ANK3: variants seen among roughly 807,000 people sequenced by gnomAD.
ANK3 encodes ankyrin 3, also known as ankyrin-3.
In ANK3, 57 loss-of-function variants were observed where a neutral mutation model predicts 370.9. The observed-to-expected ratio is 0.15, with a 90% CI of 0.12 to 0.19. The LOEUF is 0.19. Among genes scored for constraint, ANK3 ranks in the 10% least tolerant of loss-of-function variants. The probability of loss-of-function intolerance (pLI) is 1.00; values close to 1 mark genes in which losing one functional copy is unlikely to be tolerated. For synonymous variants in ANK3, 1,929 were observed against 1,946.3 expected (o/e 0.99, Z 0.23); for missense variants, 4,439 against 5,302.1 (o/e 0.84, Z 5.06).
intron 1 of ANK3, among the ~76,000 whole-genome samples, chr10:60,625,899 C>T (rs1209315892): frequency 3.9e-5 from 6 of 152,102 alleles, no homozygotes; most frequent in Admixed American, 6.6e-5. Flanking sequence ...GACATTAGTA[C>T]ATATTTTTAA....
At chr10:60,035,846 G>T (rs745827766) in intron 43 of ANK3, among the ~76,000 whole-genome samples, 18 of 150,360 alleles carry the variant, frequency 1.2e-4, no homozygotes, top group Non-Finnish European at 2.4e-4. Context: ...AAAATTAGCT[G>T]GGCTAATTTT....
chr10:60,503,418 T>A (rs924799168), intron 2 of ANK3, among the ~76,000 whole-genome samples: 5 of 152,202 alleles, frequency 3.3e-5, no homozygotes, highest in Non-Finnish European at 7.3e-5. Flanking sequence ...TAAATCCTCA[T>A]AATAGCCCCA....
intron 2 of ANK3, among the ~76,000 whole-genome samples, chr10:60,448,768 TG>T (rs2064519181): frequency 6.6e-6 from 1 of 152,256 alleles, no homozygotes; most frequent in Admixed American, 6.5e-5. Flanking sequence ...AGAGAGGAAT[TG>T]ATTACTAATT....
chr10:60,165,137 G>C (rs1228371948), intron 23 of ANK3, among the ~76,000 whole-genome samples: 11 of 152,150 alleles, frequency 7.2e-5, no homozygotes, highest in Non-Finnish European at 4.4e-5. Context: ...TTAATGAACA[G>C]TAAATTTTTA....
intron 27 of ANK3, among the ~76,000 whole-genome samples, chr10:60,107,119 T>C (rs1341532583): frequency 6.6e-6 from 1 of 152,176 alleles, no homozygotes; most frequent in African/African-American, 2.4e-5. Flanking sequence ...CAAACGGGGA[T>C]GATAAATATG....
At chr10:60,357,058 T>C (rs2057869431) in intron 1 of ANK3, among the ~76,000 whole-genome samples, 1 of 152,296 alleles carries the variant, frequency 6.6e-6, no homozygotes, top group South Asian at 2.1e-4. Context: ...CCTATCCTCA[T>C]CACTGCCCTT....
intron 2 of ANK3, among the ~76,000 whole-genome samples, chr10:60,592,943 C>T (rs1487958453): frequency 1.3e-5 from 2 of 152,046 alleles, no homozygotes; most frequent in Non-Finnish European, 2.9e-5. Context: ...GAAAACACAC[C>T]CTAACCTTCT....
At chr10:60,127,272 T>C (rs1186445933) in intron 25 of ANK3, among the ~76,000 whole-genome samples, 2 of 152,132 alleles carry the variant, frequency 1.3e-5, no homozygotes, top group Non-Finnish European at 2.9e-5. Flanking sequence ...ACGGCCAGAA[T>C]TGGGTCTCAC....
At chr10:60,469,031 GTATATATA>G (rs71015795) in intron 2 of ANK3, among the ~76,000 whole-genome samples, 862 of 11,562 alleles carry the variant, frequency 0.075, 148 homozygotes, top group Admixed American at 0.1. Flanking sequence ...CACTTTTAGT[GTATATATA>G]TATATATATA....
At chr10:60,594,049 T>C (rs916996394) in intron 2 of ANK3, among the ~76,000 whole-genome samples, 1 of 152,208 alleles carries the variant, frequency 6.6e-6, no homozygotes, top group African/African-American at 2.4e-5. Flanking sequence ...AAATGACCGA[T>C]ATTCATAGAA....
intron 4 of ANK3, among the ~76,000 whole-genome samples, chr10:60,277,668 C>T (rs2132699094): frequency 6.6e-6 from 1 of 151,126 alleles, no homozygotes; most frequent in African/African-American, 2.5e-5. Flanking sequence ...TGCTTCCTAG[C>T]CTAATACTGC....
intron 18 of ANK3, among the ~76,000 whole-genome samples, chr10:60,181,114 C>T (rs2096167691): frequency 6.6e-6 from 1 of 152,104 alleles, no homozygotes; most frequent in Non-Finnish European, 1.5e-5. Flanking sequence ...AATTACTGTG[C>T]AGCTAGAATC....
chr10:60,163,297 G>C (rs1462186435), intron 23 of ANK3, among the ~76,000 whole-genome samples: 1 of 152,186 alleles, frequency 6.6e-6, no homozygotes, highest in African/African-American at 2.4e-5. Flanking sequence ...AGACAGTAGA[G>C]CAGTAAGGTA....
chr10:60,057,891 G>A lies in ANK3; in HGVS notation c.12686+1449C>T, dbSNP rs193243515. Among the ~76,000 whole-genome samples the A allele has an allele frequency of 3.7e-3, 567 of 152,238 alleles. 2 individuals carry two copies. The highest frequency in any genetic ancestry group is 0.022 in the South Asian group (106 of 4,810). ...GTCTCTTTTGTAGGCTGTAGATAAA[G>A]TTCATTCATGCCTGCAATTTTTCAA... On this transcript the variant is annotated intron_variant, in intron 41 of 43. Transcript: ENST00000280772.
intron 2 of ANK3, among the ~76,000 whole-genome samples, chr10:60,410,472 G>A: frequency 6.6e-6 from 1 of 152,246 alleles, no homozygotes; most frequent in East Asian, 1.9e-4. Context: ...TGGAAGGATG[G>A]AGGGAGGGAA....
Position 60,239,400 on chromosome 10 carries a change from AGAC to A in ANK3, c.799-4617_799-4615del, listed in dbSNP as rs368675852. On this transcript the variant is annotated intron_variant, in intron 7 of 43. Transcript: ENST00000280772. ...ATCTCGATGGTAGCCCAAGGAAAAA[AGAC>A]ACATCTCATACAGAGAACAAAGATA... Among the ~76,000 whole-genome samples, 511 of 152,328 alleles carry A rather than the reference AGAC, an allele frequency of 3.4e-3. 5 individuals carry two copies. The highest frequency in any genetic ancestry group is 0.017 in the Middle Eastern group (5 of 294).
intron 43 of ANK3, among the ~76,000 whole-genome samples, chr10:60,035,995 C>T (rs1396456831): frequency 1.3e-5 from 2 of 152,076 alleles, no homozygotes; most frequent in African/African-American, 4.8e-5. Flanking sequence ...CAATTCAGCC[C>T]ATAGCTCTGA....
chr10:60,211,658 C>T (rs541810752), intron 9 of ANK3, among the ~76,000 whole-genome samples: 3 of 152,012 alleles, frequency 2.0e-5, no homozygotes, highest in African/African-American at 4.8e-5. Context: ...AGCCTCTTTC[C>T]CCTACTCAGA....
intron 1 of ANK3, among the ~76,000 whole-genome samples, chr10:60,301,260 G>GCACGCACACATATACA (rs1173556010): frequency 3.6e-5 from 5 of 140,566 alleles, no homozygotes; most frequent in Non-Finnish European, 1.6e-5. Context: ...ACACACACAT[G>GCACGCACACATATACA]CACGCACACA....
Sources: gnomAD v4.1 joint callset for allele counts (sites outside exome capture counted in the v4.1 genomes callset) on GRCh38, gnomAD v4.1.1 for gene constraint, MANE v1.5 for transcripts, NCBI Gene and HGNC (gene_info 2026-07-23, HGNC 2026-07-21) for gene names.